The following DCT variants were observed in gnomAD, a reference collection of about 807,000 sequenced individuals.
DCT encodes the protein L-dopachrome tautomerase.
Under a neutral mutation model 53.0 loss-of-function variants are expected in DCT, and 47 were observed. That is an observed-to-expected ratio of 0.89 (90% CI 0.70 to 1.13). The LOEUF is 1.13. Among genes scored for constraint, DCT ranks in the 50% most tolerant of loss-of-function variants. The pLI is 0.00. For missense variants in DCT, 669 were observed against 637.4 expected, an observed-to-expected ratio of 1.05 and a Z score of -0.53; for synonymous variants, 244 against 237.0, an observed-to-expected ratio of 1.03 and a Z score of -0.27.
chr13:94,450,944 T>G (rs1374422636), intron 6 of DCT, among the ~76,000 whole-genome samples: 1 of 152,238 alleles, frequency 6.6e-6, no homozygotes, highest in East Asian at 1.9e-4. Flanking sequence ...GAATTGGATG[T>G]AATTCATAGG....
At chr13:94,512,741 C>T in the DCT span, among the ~76,000 whole-genome samples, 2 of 151,952 alleles carry the variant, frequency 1.3e-5, no homozygotes, top group Non-Finnish European at 2.9e-5. Context: ...CACATATATA[C>T]ATACACACAC....
the DCT span, among the ~76,000 whole-genome samples, chr13:94,487,719 T>C: frequency 6.6e-6 from 1 of 152,214 alleles, no homozygotes; most frequent in African/African-American, 2.4e-5. Flanking sequence ...CCCCGTTTTT[T>C]AGCCCCCTGC....
intron 4 of DCT, among the ~76,000 whole-genome samples, chr13:94,462,802 A>T (rs1883900757): frequency 6.6e-6 from 1 of 152,222 alleles, no homozygotes; most frequent in Admixed American, 6.5e-5. Context: ...TATTGTGTGC[A>T]TTTGAATCTT....
At chr13:94,445,806 A>C (rs1245869441) in intron 6 of DCT, 1 of 1,411,336 alleles carries the variant, frequency 7.1e-7, no homozygotes. Context: ...TGTAGTTCTT[A>C]CATTCTCAGT....
chr13:94,506,833 C>T, the DCT span, among the ~76,000 whole-genome samples: 2 of 152,134 alleles, frequency 1.3e-5, no homozygotes, highest in African/African-American at 4.8e-5. Flanking sequence ...ATATCATGTA[C>T]ATCCTGTTAT....
At chr13:94,465,549 G>T in intron 4 of DCT, 84 bp downstream of exon 4, 2 of 1,271,836 alleles carry the variant, frequency 1.6e-6, no homozygotes, top group Non-Finnish European at 2.2e-6. Context: ...ATAAGAAACA[G>T]CACTATAAAG....
chr13:94,449,885 C>T (rs1196745467), intron 6 of DCT, among the ~76,000 whole-genome samples: 1 of 152,144 alleles, frequency 6.6e-6, no homozygotes, highest in Non-Finnish European at 1.5e-5. Flanking sequence ...TAAGCTCTGC[C>T]ACAAGGAGGT....
the DCT span, among the ~76,000 whole-genome samples, chr13:94,543,913 T>C: frequency 6.6e-6 from 1 of 151,852 alleles, no homozygotes; most frequent in Admixed American, 6.6e-5. Context: ...TGGTTACCTG[T>C]GATCTTGGCT....
At chr13:94,464,599 C>G (rs1209786859) in intron 4 of DCT, among the ~76,000 whole-genome samples, 1 of 151,788 alleles carries the variant, frequency 6.6e-6, no homozygotes, top group East Asian at 1.9e-4. Flanking sequence ...GAGATCACGT[C>G]ACTGCACTCC....
At chr13:94,525,576 C>T in the DCT span, among the ~76,000 whole-genome samples, 4 of 152,142 alleles carry the variant, frequency 2.6e-5, no homozygotes, top group Non-Finnish European at 5.9e-5. Flanking sequence ...CTAATCACAG[C>T]GAGAGAGGGT....
Position 94,462,036 on chromosome 13 carries a change from G to A in DCT, c.1017C>T (p.Phe339=). ...LSLQKFDNPP[F]FQNSTFSFRN... ...TGAAACTGAAGGTAGAGTTCTGGAA[G>A]AAGGGAGGATTGTCAAACTTCTGGA... The change falls in exon 5 of 8, where the codon TTC becomes TTT. Residue 339 remains phenylalanine (F), a synonymous_variant. Coordinates refer to ENST00000377028, the MANE Select transcript of DCT (RefSeq NM_001922.5). The A allele has an allele frequency of 6.2e-7, 1 of 1,613,452 alleles. No individual in the cohort carries two copies. Among genetic ancestry groups the A allele is most frequent in the Non-Finnish European group, 8.5e-7 (1 of 1,179,886 alleles).
the DCT span, among the ~76,000 whole-genome samples, chr13:94,511,235 T>C: frequency 2.8e-3 from 422 of 152,266 alleles, 5 homozygotes; most frequent in Middle Eastern, 0.02. Flanking sequence ...CCCCTCCAGC[T>C]ACATTGAACT....
the DCT span, among the ~76,000 whole-genome samples, chr13:94,541,270 G>A: frequency 1.1e-3 from 169 of 152,230 alleles, 1 homozygote; most frequent in Admixed American, 7.3e-3. Flanking sequence ...TTGGGAGGCC[G>A]CGGCAGGTGG....
At chr13:94,535,046 A>T in the DCT span, among the ~76,000 whole-genome samples, 1 of 152,232 alleles carries the variant, frequency 6.6e-6, no homozygotes, top group Non-Finnish European at 1.5e-5. Context: ...CCTGGCCCAA[A>T]TGAATGTTGA....
chr13:94,540,744 C>G, the DCT span, among the ~76,000 whole-genome samples: 1 of 151,860 alleles, frequency 6.6e-6, no homozygotes, highest in Non-Finnish European at 1.5e-5. Flanking sequence ...ATGAAGGGTC[C>G]TCAAAAAACA....
At chr13:94,540,683 C>G in the DCT span, among the ~76,000 whole-genome samples, 6 of 152,118 alleles carry the variant, frequency 3.9e-5, no homozygotes, top group Admixed American at 3.3e-4. Flanking sequence ...GGGGAACCCT[C>G]GTACACTGTT....
intron 3 of DCT, 61 bp downstream of exon 3, chr13:94,466,497 T>C (rs1057498346): frequency 4.6e-6 from 5 of 1,092,732 alleles, no homozygotes; most frequent in Non-Finnish European, 6.5e-6. Flanking sequence ...CTGTATGCCT[T>C]AAATATATAC....
the DCT span, among the ~76,000 whole-genome samples, chr13:94,519,732 G>A: frequency 0.26 from 39,842 of 152,066 alleles, 6,469 homozygotes; most frequent in East Asian, 0.61. Context: ...GAGGCCAGTG[G>A]TTGCCTTGAT....
At chr13:94,487,801 T>C in the DCT span, among the ~76,000 whole-genome samples, 4 of 152,126 alleles carry the variant, frequency 2.6e-5, no homozygotes, top group Non-Finnish European at 4.4e-5. Flanking sequence ...ATTATTTTTT[T>C]CCCTGTGACC....
Sources: allele counts gnomAD v4.1 joint callset (sites outside exome capture counted in the v4.1 genomes callset), GRCh38; gene constraint gnomAD v4.1.1; transcripts MANE v1.5; gene names NCBI Gene and HGNC (gene_info 2026-07-23, HGNC 2026-07-21).